Variants in CNIH3 observed in about 807,000 individuals in gnomAD.
The protein encoded by CNIH3 is cornichon family AMPA receptor auxiliary protein 3, also known as protein cornichon homolog 3.
CNIH3 carries 14 observed loss-of-function variants against 24.1 expected under a neutral mutation model. That is an observed-to-expected ratio of 0.58 (90% CI 0.38 to 0.91). The LOEUF (loss-of-function observed/expected upper bound fraction) is 0.91, where lower values mean the gene tolerates loss of function less well. Among genes scored for constraint, CNIH3 ranks in the 40% least tolerant of loss-of-function variants. CNIH3 has a pLI of 0.00. For synonymous variants in CNIH3, 68 were observed against 73.8 expected, an observed-to-expected ratio of 0.92 and a Z score of 0.40; for missense variants, 178 against 196.8, an observed-to-expected ratio of 0.90 and a Z score of 0.57.
chr1:224,452,612 T>A (rs1675458685), intron 1 of CNIH3, among the ~76,000 whole-genome samples: 1 of 151,142 alleles, frequency 6.6e-6, no homozygotes, highest in South Asian at 2.1e-4. Flanking sequence ...AAACCCCGTC[T>A]CTACTAAAAA....
chr1:224,526,852 G>A (rs934832662), intron 2 of CNIH3, among the ~76,000 whole-genome samples: 14 of 152,096 alleles, frequency 9.2e-5, no homozygotes, highest in African/African-American at 2.7e-4. Context: ...AAGGCAAAGC[G>A]TGAGCCTACA....
downstream of CNIH3, among the ~76,000 whole-genome samples, chr1:224,591,196 T>C (rs1028093962): frequency 6.6e-6 from 1 of 152,240 alleles, no homozygotes; most frequent in African/African-American, 2.4e-5. Context: ...GAATTCTACC[T>C]GTTCTTCTAG....
intron 3 of CNIH3, among the ~76,000 whole-genome samples, chr1:224,712,936 A>G (rs963249567): frequency 6.6e-6 from 1 of 152,216 alleles, no homozygotes; most frequent in Non-Finnish European, 1.5e-5. Flanking sequence ...AGAGAGCATT[A>G]TCCTAAGTTG....
intron 1 of CNIH3, among the ~76,000 whole-genome samples, chr1:224,650,352 G>A (rs1684806104): frequency 6.6e-6 from 1 of 152,144 alleles, no homozygotes; most frequent in African/African-American, 2.4e-5. Flanking sequence ...CAAGCAGGGA[G>A]GCTGAGTACA....
At chr1:224,487,244 C>A (rs1045749286) in intron 1 of CNIH3, among the ~76,000 whole-genome samples, 3 of 152,156 alleles carry the variant, frequency 2.0e-5, no homozygotes, top group Non-Finnish European at 4.4e-5. Context: ...CCAGTACAAC[C>A]AAAACACCAG....
At chr1:224,466,344 T>G (rs1676151675) in intron 1 of CNIH3, among the ~76,000 whole-genome samples, 1 of 152,238 alleles carries the variant, frequency 6.6e-6, no homozygotes, top group South Asian at 2.1e-4. Flanking sequence ...ATGGAATCAC[T>G]TATGTAGTGT....
At chr1:224,643,800 C>T (rs1558246069) in intron 1 of CNIH3, among the ~76,000 whole-genome samples, 1 of 152,178 alleles carries the variant, frequency 6.6e-6, no homozygotes, top group South Asian at 2.1e-4. Flanking sequence ...GAGGAGGGGC[C>T]GGACTCCTTC....
intron 2 of CNIH3, among the ~76,000 whole-genome samples, chr1:224,682,389 A>G (rs1686445414): frequency 6.6e-6 from 1 of 152,218 alleles, no homozygotes; most frequent in Non-Finnish European, 1.5e-5. Context: ...TCATCCTGCC[A>G]TCTACCCTGT....
rs962062664 is a variant in CNIH3, at chr1:224,507,930, G to T, written n.204-7811G>T. On this transcript the variant is annotated intron_variant and non_coding_transcript_variant, in intron 1 of 5. Coordinates refer to the CNIH3 transcript ENST00000471578. ...CAGGTTTGATACCTGAGGGCAAGGG[G>T]TTAAGCATTTCTGCATACGCTAGAC... 6.6e-5 allele frequency among the ~76,000 whole-genome samples: 10 copies of T among 152,340 alleles called. No individual in the cohort carries two copies. In the South Asian group the frequency reaches 1.7e-3, roughly 25 times the overall value.
At chr1:224,553,297 C>G (rs969194163) in intron 3 of CNIH3, among the ~76,000 whole-genome samples, 1 of 151,704 alleles carries the variant, frequency 6.6e-6, no homozygotes, top group Non-Finnish European at 1.5e-5. Flanking sequence ...AGGGTGTACA[C>G]CCCCTGTGAT....
At chr1:224,648,541 G>A (rs56311342) in intron 1 of CNIH3, among the ~76,000 whole-genome samples, 18,452 of 152,140 alleles carry the variant, frequency 0.12, 1,876 homozygotes, top group African/African-American at 0.27. Context: ...TCTGTTTCGT[G>A]CCAGGTACTG....
intron 1 of CNIH3, among the ~76,000 whole-genome samples, chr1:224,626,017 G>A (rs1683509430): frequency 6.6e-6 from 1 of 151,840 alleles, no homozygotes; most frequent in South Asian, 2.1e-4. Flanking sequence ...GTCCCCTTGT[G>A]GGTTAGATAA....
At chr1:224,736,535 T>C (rs1364287116) in intron 5 of CNIH3, among the ~76,000 whole-genome samples, 3 of 152,262 alleles carry the variant, frequency 2.0e-5, no homozygotes, top group South Asian at 2.1e-4. Context: ...CCTGGGCTTA[T>C]AGCTACCTAT....
intron 3 of CNIH3, among the ~76,000 whole-genome samples, chr1:224,596,923 C>A (rs967129363): frequency 6.6e-6 from 1 of 151,984 alleles, no homozygotes; most frequent in Non-Finnish European, 1.5e-5. Context: ...GAGACCAAGG[C>A]GGGTGGAACA....
At chr1:224,595,965 A>G (rs771717582) in intron 3 of CNIH3, among the ~76,000 whole-genome samples, 3 of 152,244 alleles carry the variant, frequency 2.0e-5, no homozygotes, top group East Asian at 1.9e-4. Context: ...GAAAGATGCC[A>G]TCTTCATAAC....
intron 3 of CNIH3, among the ~76,000 whole-genome samples, chr1:224,688,226 G>A (rs992035912): frequency 6.6e-6 from 1 of 152,176 alleles, no homozygotes; most frequent in African/African-American, 2.4e-5. Context: ...TTAGGAGGGT[G>A]ATTTCAACAT....
intron 4 of CNIH3, among the ~76,000 whole-genome samples, chr1:224,732,887 T>C (rs543207447): frequency 2.6e-5 from 4 of 152,292 alleles, no homozygotes; most frequent in Non-Finnish European, 4.4e-5. Context: ...TACCTTTTTT[T>C]TGAATCCCTG....
chr1:224,508,160 T>C (rs1677993984), intron 1 of CNIH3, among the ~76,000 whole-genome samples: 1 of 152,232 alleles, frequency 6.6e-6, no homozygotes, highest in African/African-American at 2.4e-5. Flanking sequence ...AGAAGCTAGG[T>C]GGCTTGAGAT....
chr1:224,707,173 A>G (rs532020762), intron 3 of CNIH3, among the ~76,000 whole-genome samples: 1 of 151,978 alleles, frequency 6.6e-6, no homozygotes, highest in Non-Finnish European at 1.5e-5. Context: ...CATGTTGTCC[A>G]GGCTGATCTC....
Sources: gnomAD v4.1 joint callset for allele counts (sites outside exome capture counted in the v4.1 genomes callset) on GRCh38, gnomAD v4.1.1 for gene constraint, MANE v1.5 for transcripts, NCBI Gene and HGNC (gene_info 2026-07-23, HGNC 2026-07-21) for gene names.